The following HTR2C variants were observed in gnomAD, a reference collection of about 807,000 sequenced individuals.
HTR2C encodes the protein 5-hydroxytryptamine receptor 2C.
A neutral mutation model predicts 21.0 loss-of-function variants in HTR2C; 5 were observed. The observed-to-expected ratio is 0.24, with a 90% CI of 0.12 to 0.50. The LOEUF (loss-of-function observed/expected upper bound fraction) is 0.50. Among genes scored for constraint, HTR2C ranks in the 20% least tolerant of loss-of-function variants. The pLI is 0.98. For missense variants in HTR2C, 271 were observed against 371.2 expected, an observed-to-expected ratio of 0.73 and a Z score of 2.22; for synonymous variants, 150 against 145.3, an observed-to-expected ratio of 1.03 and a Z score of -0.23.
At chrX:114,718,987 A>AAT (rs1190191764) in intron 2 of HTR2C, among the ~76,000 whole-genome samples, 2,684 of 20,722 alleles carry the variant, frequency 0.13, 45 homozygotes, top group Non-Finnish European at 0.19. Context: ...TATATAATAT[A>AAT]ATAATATAAT....
chrX:114,822,679 G>T (rs1290279918), intron 4 of HTR2C, among the ~76,000 whole-genome samples: 1 of 112,090 alleles, frequency 8.9e-6, no homozygotes, highest in Non-Finnish European at 1.9e-5. Flanking sequence ...AAGATGGGTT[G>T]TGAGACTATC....
At chrX:114,722,599 C>A (rs1933266362) in intron 2 of HTR2C, among the ~76,000 whole-genome samples, 1 of 108,066 alleles carries the variant, frequency 9.3e-6, no homozygotes, top group Non-Finnish European at 1.9e-5. Context: ...TGCCAGTTTT[C>A]AAAGGGAATG....
intron 2 of HTR2C, among the ~76,000 whole-genome samples, chrX:114,619,524 C>T (rs1167441651): frequency 1.8e-5 from 2 of 111,495 alleles, no homozygotes; most frequent in Non-Finnish European, 3.8e-5. Flanking sequence ...TCCTTGAGCA[C>T]ATGCTCTCTC....
intron 5 of HTR2C, among the ~76,000 whole-genome samples, chrX:114,899,553 G>A (rs1191294866): frequency 9.0e-6 from 1 of 111,097 alleles, no homozygotes; most frequent in Non-Finnish European, 1.9e-5. Context: ...GGGTTGCAAA[G>A]ATCCGTGGGA....
chrX:114,770,183 C>T (rs1172987929), intron 4 of HTR2C, among the ~76,000 whole-genome samples: 2 of 111,779 alleles, frequency 1.8e-5, no homozygotes, highest in Admixed American at 1.9e-4. Flanking sequence ...TATGAAGTAT[C>T]TAGGTTTGTA....
intron 5 of HTR2C, among the ~76,000 whole-genome samples, chrX:114,862,346 T>G (rs148221149): frequency 4.4e-4 from 49 of 110,926 alleles, no homozygotes; most frequent in Admixed American, 1.3e-3. Context: ...TCTGTGTGTC[T>G]GTATTTCTGC....
chrX:114,661,843 C>A (rs1309183629), intron 2 of HTR2C, among the ~76,000 whole-genome samples: 1 of 111,728 alleles, frequency 9.0e-6, no homozygotes, highest in Non-Finnish European at 1.9e-5. Flanking sequence ...ACATAACAAG[C>A]AAGTCTTACG....
At chrX:114,762,884 C>T (rs1356718636) in intron 4 of HTR2C, among the ~76,000 whole-genome samples, 1 of 112,070 alleles carries the variant, frequency 8.9e-6, no homozygotes, top group Non-Finnish European at 1.9e-5. Context: ...CACATTCACC[C>T]CTGTGCTAAC....
Position 114,651,576 on chromosome X carries a change from T to C in HTR2C, c.-80+37695T>C, listed in dbSNP as rs144963985. The C allele has an allele frequency of 2.3e-3, 289 of 125,570 alleles. 2 individuals carry two copies. Among genetic ancestry groups the C allele is most frequent in the African/African-American group, 9.0e-3 (277 of 30,907 alleles). The allele number at this position is 125,570 out of a possible 1,213,427, so 10.3% of individuals were successfully genotyped here. A position where few individuals can be genotyped will look rare whatever the true frequency, so the allele number is the denominator to read the frequency against. ...ATGTGCTCATTGCATGGGCTGTGTA[T>C]AGTATTATTCAATACCCAGAGCATG... On this transcript the variant is annotated intron_variant, in intron 2 of 5. Coordinates refer to ENST00000276198, the MANE Select transcript of HTR2C (RefSeq NM_000868.4).
chrX:114,876,840 T>TTTTG (rs1460443695), intron 5 of HTR2C, among the ~76,000 whole-genome samples: 3 of 46,547 alleles, frequency 6.4e-5, no homozygotes, highest in African/African-American at 1.5e-4. Context: ...CAGTATGCTA[T>TTTTG]TTTGTTTGTT....
At chrX:114,631,868 A>G (rs996851533) in intron 2 of HTR2C, among the ~76,000 whole-genome samples, 1 of 111,665 alleles carries the variant, frequency 9.0e-6, no homozygotes, top group Non-Finnish European at 1.9e-5. Context: ...TCTCTACCAC[A>G]TAATTTGACG....
chrX:114,870,580 A>G (rs1197464418), intron 5 of HTR2C, among the ~76,000 whole-genome samples: 2 of 110,608 alleles, frequency 1.8e-5, no homozygotes, highest in African/African-American at 6.6e-5. Flanking sequence ...ACTTTTTTTT[A>G]TCATGGCTTT....
intron 4 of HTR2C, chrX:114,774,966 T>A: frequency 1.9e-6 from 1 of 513,839 alleles, no homozygotes; most frequent in Non-Finnish European, 3.6e-6. Context: ...GATTGCAGAC[T>A]TTCTCCAGCT....
intron 4 of HTR2C, among the ~76,000 whole-genome samples, chrX:114,831,470 G>A (rs1302524960): frequency 2.2e-4 from 21 of 95,886 alleles, no homozygotes; most frequent in African/African-American, 7.8e-4. Context: ...ATTTTTTCAT[G>A]TGTTTTTTGG....
chrX:114,619,167 G>T (rs782223883), intron 2 of HTR2C, among the ~76,000 whole-genome samples: 1 of 110,971 alleles, frequency 9.0e-6, no homozygotes, highest in Non-Finnish European at 1.9e-5. Flanking sequence ...AAGAAACTGC[G>T]TCATCCTTGA....
At chrX:114,791,879 C>T (rs2070236385) in intron 4 of HTR2C, among the ~76,000 whole-genome samples, 1 of 111,278 alleles carries the variant, frequency 9.0e-6, no homozygotes, top group Non-Finnish European at 1.9e-5. Flanking sequence ...GTCCGTATTT[C>T]CCATACGTAA....
chrX:114,749,756 A>G (rs1425597863), intron 4 of HTR2C, among the ~76,000 whole-genome samples: 3 of 111,868 alleles, frequency 2.7e-5, no homozygotes, highest in African/African-American at 6.5e-5. Flanking sequence ...TAATTAACCA[A>G]AAGGATAGTA....
chrX:114,821,164 A>C (rs1556456128), intron 4 of HTR2C, among the ~76,000 whole-genome samples: 2 of 111,379 alleles, frequency 1.8e-5, no homozygotes, highest in African/African-American at 6.5e-5. Flanking sequence ...TGTTTTTTCA[A>C]GCCTTGGATT....
chrX:114,652,280 C>T (rs1412066190), intron 2 of HTR2C, among the ~76,000 whole-genome samples: 3 of 111,233 alleles, frequency 2.7e-5, no homozygotes, highest in East Asian at 5.6e-4. Flanking sequence ...TTGATGCAGT[C>T]CTGACTATAT....
Sources: gnomAD v4.1 joint callset for allele counts (sites outside exome capture counted in the v4.1 genomes callset) on GRCh38, gnomAD v4.1.1 for gene constraint, MANE v1.5 for transcripts, NCBI Gene and HGNC (gene_info 2026-07-23, HGNC 2026-07-21) for gene names.